SNX29: variants seen among roughly 807,000 people sequenced by gnomAD.
SNX29 encodes the protein sorting nexin-29.
In SNX29, 78 loss-of-function variants were observed where a neutral mutation model predicts 102.1. The ratio of observed to expected loss-of-function variants is 0.76; its 90% CI spans 0.64 to 0.92. The LOEUF (loss-of-function observed/expected upper bound fraction) is 0.92. Ranked by LOEUF, SNX29 falls within the 40% of genes least tolerant of loss-of-function variation. The pLI, the probability that SNX29 is intolerant of heterozygous loss-of-function variation, is 0.00. For synonymous variants in SNX29, 580 were observed against 414.5 expected (o/e 1.40, Z -4.85); for missense variants, 1,280 against 1,061.7 (o/e 1.21, Z -2.86).
At chr16:12,010,618 G>A (rs2056616669) in intron 3 of SNX29, among the ~76,000 whole-genome samples, 1 of 152,092 alleles carries the variant, frequency 6.6e-6, no homozygotes, top group South Asian at 2.1e-4. Context: ...GTGAGACCTC[G>A]TCTCAAAACA....
At chr16:12,526,142 G>GT (rs1293566603) in intron 20 of SNX29, among the ~76,000 whole-genome samples, 2 of 152,202 alleles carry the variant, frequency 1.3e-5, no homozygotes, top group Non-Finnish European at 2.9e-5. Flanking sequence ...ACTGTTCTGG[G>GT]TCGGTGTGAT....
chr16:12,286,311 G>T (rs2079594362), intron 15 of SNX29, among the ~76,000 whole-genome samples: 1 of 151,514 alleles, frequency 6.6e-6, no homozygotes, highest in African/African-American at 2.4e-5. Context: ...TCCCACTGAA[G>T]TGTGAATGAC....
At chr16:12,377,808 C>T (rs2432630) in intron 16 of SNX29, among the ~76,000 whole-genome samples, 110,848 of 152,088 alleles carry the variant, frequency 0.73, 41,506 homozygotes, top group African/African-American at 0.92. Context: ...TTGTAGGTAC[C>T]GTGCTTTGAA....
chr16:12,370,190 C>G (rs987521451), intron 16 of SNX29, among the ~76,000 whole-genome samples: 13 of 152,076 alleles, frequency 8.5e-5, no homozygotes, highest in Admixed American at 6.6e-5. Context: ...CCATTGCACT[C>G]TAGCCTGAGA....
intron 18 of SNX29, among the ~76,000 whole-genome samples, chr16:12,427,787 C>T (rs2085142734): frequency 6.6e-6 from 1 of 152,188 alleles, no homozygotes; most frequent in East Asian, 1.9e-4. Flanking sequence ...GACACAGAGC[C>T]CTGATGTGTC....
chr16:12,229,223 G>A (rs2077700786), intron 14 of SNX29, among the ~76,000 whole-genome samples: 2 of 152,210 alleles, frequency 1.3e-5, no homozygotes, highest in Non-Finnish European at 2.9e-5. Context: ...CTGGTAGCAG[G>A]ATTCCTGTTT....
chr16:12,063,541 A>T lies in SNX29; in HGVS notation c.1243+1895A>T, dbSNP rs569762584. On this transcript the variant is annotated intron_variant, in intron 9 of 20. Transcript: ENST00000566228. ...AGGCATGCACCACCATGCCCGGCTAAATTCTTTTTGTATTTTTAGTAGAGA... is the reference window on the plus strand; with the variant it reads ...AGGCATGCACCACCATGCCCGGCTATATTCTTTTTGTATTTTTAGTAGAGA... 6.6e-5 allele frequency among the ~76,000 whole-genome samples: 10 copies of T among 151,342 alleles called. No homozygotes were observed. The South Asian group carries it at 2.1e-3, about 32-fold the overall frequency.
At chr16:12,071,265 A>C (rs1306268483) in intron 10 of SNX29, among the ~76,000 whole-genome samples, 1 of 152,198 alleles carries the variant, frequency 6.6e-6, no homozygotes, top group African/African-American at 2.4e-5. Context: ...TCTGAATGGT[A>C]ATGCCTAGGT....
intron 7 of SNX29, 51 bp from the exon 8 acceptor site, chr16:12,051,796 T>G: frequency 6.3e-7 from 1 of 1,584,526 alleles, no homozygotes; most frequent in Admixed American, 1.9e-5. Context: ...CATCATCCTT[T>G]TGTCTTGCCT....
chr16:12,333,087 T>A (rs532864803), intron 15 of SNX29, among the ~76,000 whole-genome samples: 23 of 149,080 alleles, frequency 1.5e-4, no homozygotes, highest in Non-Finnish European at 4.4e-5. Context: ...TTCACAAATG[T>A]TTTGCAGGCA....
chr16:12,448,918 C>T (rs760958636), intron 18 of SNX29, among the ~76,000 whole-genome samples: 34 of 152,298 alleles, frequency 2.2e-4, no homozygotes, highest in Non-Finnish European at 4.4e-4. Flanking sequence ...TAGGCTCTAC[C>T]CATAGGTACC....
chr16:12,431,303 T>G (rs1272676047), intron 18 of SNX29, among the ~76,000 whole-genome samples: 2 of 151,794 alleles, frequency 1.3e-5, no homozygotes, highest in Non-Finnish European at 2.9e-5. Context: ...GTCGAAACAG[T>G]GCAGATCCTG....
intron 20 of SNX29, among the ~76,000 whole-genome samples, chr16:12,560,278 TCA>T (rs779944242): frequency 1.1e-4 from 16 of 152,262 alleles, no homozygotes; most frequent in Admixed American, 5.9e-4. Context: ...AGCAGCAATG[TCA>T]CAGTGTTATT....
chr16:12,500,248 T>TC (rs1404279449), intron 19 of SNX29, among the ~76,000 whole-genome samples: 1 of 152,204 alleles, frequency 6.6e-6, no homozygotes, highest in Admixed American at 6.5e-5. Context: ...ACCTCGTGCC[T>TC]CAGTCTCCCA....
intron 20 of SNX29, among the ~76,000 whole-genome samples, chr16:12,564,485 T>G (rs1213746040): frequency 3.9e-5 from 6 of 152,344 alleles, no homozygotes; most frequent in African/African-American, 1.4e-4. Flanking sequence ...TTCTCCAAGG[T>G]CTAGAGTGTC....
At chr16:12,258,605 A>G (rs2078643481) in intron 14 of SNX29, among the ~76,000 whole-genome samples, 2 of 152,228 alleles carry the variant, frequency 1.3e-5, no homozygotes, top group South Asian at 4.2e-4. Flanking sequence ...CACTCCCCAC[A>G]GGTCCCAGGG....
chr16:12,320,696 A>G (rs2080903335), intron 15 of SNX29, among the ~76,000 whole-genome samples: 1 of 152,194 alleles, frequency 6.6e-6, no homozygotes, highest in African/African-American at 2.4e-5. Flanking sequence ...GACCAATTTC[A>G]GGGAACTCAG....
rs148681126 is a variant in SNX29, at chr16:12,524,521, A to G, written c.2179-181A>G. Among the ~76,000 whole-genome samples the G allele has an allele frequency of 2.0e-3, 301 of 150,480 alleles. 3 individuals carry two copies. Among genetic ancestry groups the G allele is most frequent in the Middle Eastern group, 3.4e-3 (1 of 294 alleles). On this transcript the variant is annotated intron_variant, in intron 19 of 20. Transcript: ENST00000566228. ...TCCACTTAATAATAATATCGTGAGC[A>G]TCTTTCTTGTTATTACATGTGATAC...
chr16:12,186,801 G>A (rs541597956), intron 13 of SNX29, among the ~76,000 whole-genome samples: 1 of 152,130 alleles, frequency 6.6e-6, no homozygotes, highest in South Asian at 2.1e-4. Context: ...TCATGATTAG[G>A]TTCAGGTTAT....
Sources: gnomAD v4.1 joint callset for allele counts (sites outside exome capture counted in the v4.1 genomes callset) on GRCh38, gnomAD v4.1.1 for gene constraint, MANE v1.5 for transcripts, NCBI Gene and HGNC (gene_info 2026-07-23, HGNC 2026-07-21) for gene names.